LDAH: variants seen among roughly 807,000 people sequenced by gnomAD.
The protein encoded by LDAH is lipid droplet associated hydrolase.
A neutral mutation model predicts 29.6 loss-of-function variants in LDAH; 26 were observed. The ratio of observed to expected loss-of-function variants is 0.88; its 90% CI spans 0.64 to 1.22. The LOEUF is 1.22. Ranked by LOEUF, LDAH falls within the 50% of genes most tolerant of loss-of-function variation. The probability of loss-of-function intolerance (pLI) is 0.00; values close to 1 mark genes in which losing one functional copy is unlikely to be tolerated. For synonymous variants in LDAH, 117 were observed against 133.0 expected (o/e 0.88, Z 0.83); for missense variants, 344 against 387.3 (o/e 0.89, Z 0.94).
At chr2:20,715,727 T>A (rs1665129292) in intron 5 of LDAH, among the ~76,000 whole-genome samples, 2 of 152,148 alleles carry the variant, frequency 1.3e-5, no homozygotes, top group Non-Finnish European at 2.9e-5. Flanking sequence ...AGCATTCCTA[T>A]CCTCAATAAC....
chr2:20,723,701 AAAT>A (rs1482035887), intron 5 of LDAH, among the ~76,000 whole-genome samples: 1 of 152,204 alleles, frequency 6.6e-6, no homozygotes, highest in Non-Finnish European at 1.5e-5. Flanking sequence ...TAGTGGTCAG[AAAT>A]AATAATACCA....
chr2:20,750,774 T>C (rs1393319876), intron 4 of LDAH, among the ~76,000 whole-genome samples: 2 of 152,138 alleles, frequency 1.3e-5, no homozygotes, highest in African/African-American at 4.8e-5. Context: ...CCATCAGTGG[T>C]AGACTGGATA....
At chr2:20,724,359 A>G (rs940001684) in intron 5 of LDAH, among the ~76,000 whole-genome samples, 17 of 152,198 alleles carry the variant, frequency 1.1e-4, no homozygotes, top group African/African-American at 4.1e-4. Context: ...ATCCCACTGT[A>G]AGTAACTTAA....
chr2:20,706,217 G>A (rs1664294990), intron 5 of LDAH, among the ~76,000 whole-genome samples: 1 of 151,982 alleles, frequency 6.6e-6, no homozygotes, highest in Non-Finnish European at 1.5e-5. Flanking sequence ...GGGGGCTTAG[G>A]AGAAAAAAAA....
At chr2:20,713,018 A>G (rs1380122186) in intron 5 of LDAH, among the ~76,000 whole-genome samples, 1 of 152,222 alleles carries the variant, frequency 6.6e-6, no homozygotes, top group Non-Finnish European at 1.5e-5. Context: ...GCCAACATTC[A>G]AATTCCGGAA....
intron 2 of LDAH, among the ~76,000 whole-genome samples, chr2:20,801,105 C>G (rs1159355286): frequency 1.3e-5 from 2 of 152,116 alleles, no homozygotes; most frequent in East Asian, 1.9e-4. Context: ...CACACACACA[C>G]ACAACAGACA....
chr2:20,817,101 G>A (rs1173129093), intron 1 of LDAH, among the ~76,000 whole-genome samples: 7 of 151,956 alleles, frequency 4.6e-5, no homozygotes, highest in Admixed American at 1.3e-4. Flanking sequence ...AAATGCTTAC[G>A]TTAGAAACAA....
chr2:20,710,616 A>ATC (rs749893918), intron 5 of LDAH, among the ~76,000 whole-genome samples: 4,062 of 131,074 alleles, frequency 0.031, 74 homozygotes, highest in East Asian at 0.081. Flanking sequence ...GTATATATAT[A>ATC]TATAGATATA....
intron 1 of LDAH, among the ~76,000 whole-genome samples, chr2:20,809,009 A>C (rs1672285041): frequency 6.6e-6 from 1 of 152,206 alleles, no homozygotes; most frequent in South Asian, 2.1e-4. Flanking sequence ...TGAACAATAA[A>C]GCTTCCAAAA....
At chr2:20,777,633 C>T (rs1222272251) in intron 3 of LDAH, among the ~76,000 whole-genome samples, 1 of 152,058 alleles carries the variant, frequency 6.6e-6, no homozygotes, top group Non-Finnish European at 1.5e-5. Context: ...TGGTCTCAAA[C>T]TTCTGACCTC....
At chr2:20,751,449 A>G (rs980653690) in intron 4 of LDAH, among the ~76,000 whole-genome samples, 2 of 152,198 alleles carry the variant, frequency 1.3e-5, no homozygotes, top group Non-Finnish European at 2.9e-5. Flanking sequence ...CTTCTTTTGA[A>G]AAATTGCTAC....
intron 4 of LDAH, among the ~76,000 whole-genome samples, chr2:20,745,585 T>G (rs981275645): frequency 6.6e-6 from 1 of 152,234 alleles, no homozygotes; most frequent in Non-Finnish European, 1.5e-5. Context: ...CTTGATTTAG[T>G]CATTCCACAA....
At chr2:20,768,220 G>C (rs1175652686) in intron 4 of LDAH, among the ~76,000 whole-genome samples, 1 of 152,200 alleles carries the variant, frequency 6.6e-6, no homozygotes, top group African/African-American at 2.4e-5. Flanking sequence ...CATGCCCCCT[G>C]CTCGCCATGT....
chr2:20,770,683 C>G (rs1669353221), intron 4 of LDAH, among the ~76,000 whole-genome samples: 1 of 152,220 alleles, frequency 6.6e-6, no homozygotes, highest in Non-Finnish European at 1.5e-5. Flanking sequence ...GGAGCACCAA[C>G]ACAATGAGTC....
intron 5 of LDAH, among the ~76,000 whole-genome samples, chr2:20,724,245 G>A (rs1305417791): frequency 6.6e-6 from 1 of 152,106 alleles, no homozygotes; most frequent in South Asian, 2.1e-4. Flanking sequence ...ACTTACCTAG[G>A]TATTAATAGA....
chr2:20,710,606 G>GTATATATATATATA (rs1467339981), intron 5 of LDAH, among the ~76,000 whole-genome samples: 1 of 131,874 alleles, frequency 7.6e-6, no homozygotes, highest in African/African-American at 2.8e-5. Flanking sequence ...GTGTGTGTGT[G>GTATATATATATATA]TATATATATA....
At chr2:20,815,501 A>C (rs1672789008) in intron 1 of LDAH, among the ~76,000 whole-genome samples, 2 of 152,310 alleles carry the variant, frequency 1.3e-5, no homozygotes, top group African/African-American at 4.8e-5. Flanking sequence ...TAGAAAATTA[A>C]AAACAAAGAA....
chr2:20,743,907 T>C (rs1203068894), intron 4 of LDAH, among the ~76,000 whole-genome samples: 1 of 151,834 alleles, frequency 6.6e-6, no homozygotes, highest in East Asian at 1.9e-4. Flanking sequence ...CCCAGTCTTT[T>C]TCTTTGCTTT....
chr2:20,767,367 C>G (rs1224160919), intron 4 of LDAH, among the ~76,000 whole-genome samples: 1 of 152,230 alleles, frequency 6.6e-6, no homozygotes, highest in Admixed American at 6.5e-5. Flanking sequence ...GGTGCCCGCT[C>G]TGATCTTGGA....
Sources: gnomAD v4.1 joint callset for allele counts (sites outside exome capture counted in the v4.1 genomes callset) on GRCh38, gnomAD v4.1.1 for gene constraint, MANE v1.5 for transcripts, NCBI Gene and HGNC (gene_info 2026-07-23, HGNC 2026-07-21) for gene names.